ZNF594: variants seen among roughly 807,000 people sequenced by gnomAD.
The protein encoded by ZNF594 is zinc finger protein HZF18.
For synonymous variants in ZNF594, 336 were observed against 309.4 expected, an observed-to-expected ratio of 1.09 and a Z score of -0.90; for missense variants, 1,037 against 964.6, an observed-to-expected ratio of 1.08 and a Z score of -0.99.
At chr17:5,176,795 C>T (rs1334744352), downstream of ZNF594, among the ~76,000 whole-genome samples, 1 of 151,844 alleles carries the variant, frequency 6.6e-6, no homozygotes, top group Non-Finnish European at 1.5e-5. Flanking sequence ...CATAAACTCC[C>T]TTCTCAAGAA....
chr17:5,190,794 C>G (rs1382031417), intron 1 of ZNF594, among the ~76,000 whole-genome samples: 1 of 152,114 alleles, frequency 6.6e-6, no homozygotes, highest in Non-Finnish European at 1.5e-5. Context: ...CCCCCTTTCA[C>G]CTCCCTCCCT....
chr17:5,181,848 A>T lies in ZNF594; in HGVS notation c.2409T>A (p.Pro803=). 1 of 1,614,030 alleles carries T rather than the reference A, an allele frequency of 6.2e-7. No homozygotes were observed. The highest frequency in any genetic ancestry group is 1.1e-5 in the South Asian group (1 of 91,072). ...ECGKTQSELR[P]SETS is the part of the protein sequence containing the mutation. ...ACTGTGAATTCTATGATGTCTCAGA[A>T]GGTCTGAGCTCTGATTGAGTTTTCC... is the stretch of plus-strand genomic sequence containing the variant. Residue 803 remains proline, a synonymous_variant, in exon 2 of 2, where the codon CCT becomes CCA. Coordinates refer to ENST00000575779, the MANE Select transcript of ZNF594 (RefSeq NM_032530.2).
downstream of ZNF594, among the ~76,000 whole-genome samples, chr17:5,177,073 G>A (rs2074312850): frequency 6.6e-6 from 1 of 151,880 alleles, no homozygotes; most frequent in South Asian, 2.1e-4. Flanking sequence ...GCGGGTGCCT[G>A]TAGTCCCAGC....
chr17:5,183,442 C>T lies in ZNF594; in HGVS notation c.815G>A (p.Cys272Tyr), dbSNP rs766990580. ...TGEKPYECYDCGQMFSQSSHL... is the reference protein window; with the variant it reads ...TGEKPYECYDYGQMFSQSSHL... The stretch of plus-strand genomic sequence containing the variant: ...TGAACTTTGACTGAACATCTGTCCA[C>T]AGTCATAACATTCATAGGGTTTCTC... Residue 272 changes from cysteine to tyrosine, a missense_variant, in exon 2 of 2, where the codon TGT becomes TAT. Physicochemically the swap from Cys to Tyr is radical, Grantham distance 194 (BLOSUM62 -2). Coordinates refer to ENST00000575779, the MANE Select transcript of ZNF594 (RefSeq NM_032530.2). The T allele has an allele frequency of 1.9e-6, 3 of 1,613,952 alleles. No individual in the cohort carries two copies. Among genetic ancestry groups the T allele is most frequent in the South Asian group, 1.1e-5 (1 of 91,084 alleles).
rs1567823860 is a variant in ZNF594 at position 5,181,132 on chromosome 17, A to G, written c.*701T>C. On this transcript the variant is annotated 3_prime_UTR_variant, in exon 2 of 2. Coordinates refer to ENST00000575779, the MANE Select transcript of ZNF594 (RefSeq NM_032530.2). Reference sequence around the variant, plus strand: ...GAGTTCTGACTGAAGGCCTTCCAACATTCAGGGCATTCATAGGGTTTCTCT... The same window carrying G: ...GAGTTCTGACTGAAGGCCTTCCAACGTTCAGGGCATTCATAGGGTTTCTCT... 1 of 1,594,808 alleles carries G rather than the reference A, an allele frequency of 6.3e-7. No individual in the cohort carries two copies.
Position 5,180,799 on chromosome 17 carries a change from G to A in ZNF594, c.*1034C>T, listed in dbSNP as rs1049687765. On this transcript the variant is annotated 3_prime_UTR_variant, in exon 2 of 2. Transcript: ENST00000575779. Reference sequence around the variant, plus strand: ...GGCTTTTCCACTTGATTATACTTACGTTTGAAAAATCCAGTAGGTATTTTC... The same window carrying A: ...GGCTTTTCCACTTGATTATACTTACATTTGAAAAATCCAGTAGGTATTTTC... The A allele has an allele frequency of 2.5e-5, 9 of 354,538 alleles. No individual in the cohort carries two copies. The highest frequency in any genetic ancestry group is 1.7e-4 in the Admixed American group (4 of 23,756). The allele number at this position is 354,538 out of a possible 1,614,324, so 22.0% of individuals were successfully genotyped here. A position where few individuals can be genotyped will look rare whatever the true frequency, so the allele number is the denominator to read the frequency against.
chr17:5,184,032 T>G lies in ZNF594; in HGVS notation c.225A>C (p.Lys75Asn). ...CATGGCCAATCTCTCCCACAATGGC[T>G]TTCTGGGGGATAATATGCATTTCCC... Reference protein sequence around the residue: ...GIREMHIIPQKAIVGEIGHGC... With the variant: ...GIREMHIIPQNAIVGEIGHGC... Residue 75 changes from lysine (K) to asparagine (N), a missense_variant, in exon 2 of 2, where the codon AAA (lysine) becomes AAC (asparagine). Physicochemically the swap from Lys to Asn is moderately conservative, Grantham distance 94 (BLOSUM62 0). Coordinates refer to ENST00000575779, the MANE Select transcript of ZNF594 (RefSeq NM_032530.2). The G allele has an allele frequency of 1.2e-6, 2 of 1,614,170 alleles. No homozygotes were observed. Among genetic ancestry groups the G allele is most frequent in the Non-Finnish European group, 1.7e-6 (2 of 1,180,030 alleles).
chr17:5,182,531 C>A lies in ZNF594; in HGVS notation c.1726G>T (p.Ala576Ser). The change falls in exon 2 of 2, where the codon GCT becomes TCT. Residue 576 changes from alanine (A) to serine (S), a missense_variant. Coordinates refer to ENST00000575779, the MANE Select transcript of ZNF594 (RefSeq NM_032530.2). ...KAYWCNQCGR[A>S]FQGSSDLIRH... Reference sequence around the variant, plus strand: ...ATGAGGTCTGAGCTGCCCTGGAAAGCCCTACCACACTGATTACACCAATAA... The same window carrying A: ...ATGAGGTCTGAGCTGCCCTGGAAAGACCTACCACACTGATTACACCAATAA... 1 of 1,613,348 alleles carries A rather than the reference C, an allele frequency of 6.2e-7. No individual in the cohort carries two copies. Among genetic ancestry groups the A allele is most frequent in the Non-Finnish European group, 8.5e-7 (1 of 1,179,800 alleles).
chr17:5,189,080 T>C (rs2074405344), intron 1 of ZNF594, among the ~76,000 whole-genome samples: 1 of 150,808 alleles, frequency 6.6e-6, no homozygotes, highest in South Asian at 2.1e-4. Context: ...AAAAAAAATA[T>C]TGAGTCATGT....
At chr17:5,184,334 T>C in intron 1 of ZNF594, 58 bp from the exon 2 acceptor site, 1 of 1,484,834 alleles carries the variant, frequency 6.7e-7, no homozygotes, top group Non-Finnish European at 9.0e-7. Context: ...ATCTCTTCAT[T>C]ATACTGGGCA....
downstream of ZNF594, among the ~76,000 whole-genome samples, chr17:5,177,070 C>T (rs970520336): frequency 2.0e-5 from 3 of 151,872 alleles, no homozygotes; most frequent in African/African-American, 7.3e-5. Context: ...GTGGCGGGTG[C>T]CTGTAGTCCC....
chr17:5,176,438 A>C (rs907900005), downstream of ZNF594, among the ~76,000 whole-genome samples: 14 of 151,662 alleles, frequency 9.2e-5, no homozygotes, highest in Middle Eastern at 3.4e-3. Context: ...AACATGTTGA[A>C]TCAGCAGCAG....
Position 5,183,483 on chromosome 17 carries a change from G to C in ZNF594, c.774C>G (p.His258Gln). The C allele has an allele frequency of 1.2e-6, 2 of 1,614,122 alleles. No individual in the cohort carries two copies. The highest frequency in any genetic ancestry group is 8.5e-7 in the Non-Finnish European group (1 of 1,180,036). The change falls in exon 2 of 2, where the codon CAC (histidine) becomes CAG (glutamine). Residue 258 changes from histidine to glutamine, a missense_variant. Physicochemically the swap from His to Gln is conservative, Grantham distance 24 (BLOSUM62 0). Coordinates refer to ENST00000575779, the MANE Select transcript of ZNF594 (RefSeq NM_032530.2). ...FSQSTDLIIH[H>Q]RIHTGEKPYE... ...AGGGTTTCTCTCCAGTGTGAATTCT[G>C]TGATGTATAATAAGATCTGTGCTTT...
At chr17:5,184,323 C>T (rs531178145) in intron 1 of ZNF594, 47 bp from the exon 2 acceptor site, 18 of 1,519,658 alleles carry the variant, frequency 1.2e-5, no homozygotes, top group Admixed American at 2.0e-5. Context: ...ATACAAATAT[C>T]ATCTCTTCAT....
rs1399253502 is a variant in ZNF594, at chr17:5,183,020, A to G, written c.1237T>C (p.Phe413Leu). ...PYECKECGKTFNQSSDLLRHH... is the reference protein window; with the variant it reads ...PYECKECGKTLNQSSDLLRHH... Reference sequence around the variant, plus strand: ...CTCAGAAGGTCTGAGCTCTGATTGAAAGTTTTCCCACATTCTTTACATTCA... The same window carrying G: ...CTCAGAAGGTCTGAGCTCTGATTGAGAGTTTTCCCACATTCTTTACATTCA... The change falls in exon 2 of 2, where the codon TTC becomes CTC. Residue 413 changes from phenylalanine to leucine, a missense_variant. Physicochemically the swap from Phe to Leu is conservative, Grantham distance 22. Transcript: ENST00000575779. 6.2e-7 allele frequency: 1 copy of G among 1,613,696 alleles called. No homozygotes were observed. Among genetic ancestry groups the G allele is most frequent in the Admixed American group, 1.7e-5 (1 of 59,972 alleles).
At position 5,183,555 on chromosome 17, in the gene ZNF594, A is replaced by G; in HGVS notation, c.702T>C (p.Ser234=). Reference sequence around the variant, plus strand: ...TATTGCATAAATATGGCTTCCCCCTACTGTGGATTCTCTGGTGCAGGACAA... The same window carrying G: ...TATTGCATAAATATGGCTTCCCCCTGCTGTGGATTCTCTGGTGCAGGACAA... ...SNLVLHQRIH[S]RGKPYLCNKC... The change falls in exon 2 of 2, where the codon AGT becomes AGC. Residue 234 remains serine (S), a synonymous_variant. Transcript: ENST00000575779. 1 of 1,614,128 alleles carries G rather than the reference A, an allele frequency of 6.2e-7. No homozygotes were observed. The highest frequency in any genetic ancestry group is 8.5e-7 in the Non-Finnish European group (1 of 1,180,032).
At chr17:5,188,236 C>A in intron 1 of ZNF594, among the ~76,000 whole-genome samples, 1 of 140,774 alleles carries the variant, frequency 7.1e-6, no homozygotes, top group East Asian at 2.1e-4. Flanking sequence ...GAGCAGATTA[C>A]TATTTAAAAG....
chr17:5,180,927 A>G lies in ZNF594; in HGVS notation c.*906T>C. On this transcript the variant is annotated 3_prime_UTR_variant, in exon 2 of 2. Transcript: ENST00000575779. ...TTTTCCTAGTTTTACTGCATTCATT[A>G]GGTTTCTGCTACCTATTAGAATAGG... is the stretch of plus-strand genomic sequence containing the variant. The G allele has an allele frequency of 3.1e-6, 2 of 647,962 alleles. No homozygotes were observed. Among genetic ancestry groups the G allele is most frequent in the Non-Finnish European group, 5.7e-6 (2 of 353,510 alleles). 40.1% of individuals were successfully genotyped at this position (647,962 alleles called of 1,614,324 possible). A position where few individuals can be genotyped will look rare whatever the true frequency, so the allele number is the denominator to read the frequency against.
At chr17:5,176,395 CAAA>C (rs34510280), downstream of ZNF594, among the ~76,000 whole-genome samples, 8 of 85,628 alleles carry the variant, frequency 9.3e-5, no homozygotes, top group Non-Finnish European at 1.6e-4. Flanking sequence ...AACTCTGTCT[CAAA>C]AAAAAAAAAA....
Sources: allele counts gnomAD v4.1 joint callset (sites outside exome capture counted in the v4.1 genomes callset), GRCh38; gene constraint gnomAD v4.1.1; transcripts MANE v1.5; gene names NCBI Gene and HGNC (gene_info 2026-07-23, HGNC 2026-07-21).